Variants in ALMS1 observed in about 807,000 individuals in gnomAD.
The protein encoded by ALMS1 is centrosome-associated protein ALMS1.
A neutral mutation model predicts 352.2 loss-of-function variants in ALMS1; 271 were observed. The observed-to-expected ratio is 0.77, with a 90% CI of 0.70 to 0.85. ALMS1 has a LOEUF of 0.85. Among genes scored for constraint, ALMS1 ranks in the 40% least tolerant of loss-of-function variants. The probability of loss-of-function intolerance (pLI) is 0.00; values close to 1 mark genes in which losing one functional copy is unlikely to be tolerated. For missense variants in ALMS1, 5,445 were observed against 4,870.7 expected, an observed-to-expected ratio of 1.12 and a Z score of -3.51; for synonymous variants, 1,865 against 1,761.2, an observed-to-expected ratio of 1.06 and a Z score of -1.48.
At chr2:73,410,454 A>T (rs568273763) in intron 2 of ALMS1, among the ~76,000 whole-genome samples, 1 of 152,282 alleles carries the variant, frequency 6.6e-6, no homozygotes, top group South Asian at 2.1e-4. Flanking sequence ...CACCTCACAG[A>T]CGTATCCAAA....
chr2:73,419,194 GT>G lies in ALMS1; in HGVS notation c.525del (p.Phe175LeufsTer3). 1 of 1,614,020 alleles carries G rather than the reference GT, an allele frequency of 6.2e-7. No individual in the cohort carries two copies. The highest frequency in any genetic ancestry group is 1.1e-5 in the South Asian group (1 of 91,076). On this transcript the variant is annotated frameshift_variant, in exon 3 of 23. Coordinates refer to ENST00000613296, the MANE Select transcript of ALMS1 (RefSeq NM_001378454.1). LOFTEE classifies it high-confidence loss of function. ...AAACCTTGGATACATCCCAGACTAG[GT>G]TTAATGTGAGAACGGAAGATACTGA... Reference protein sequence around the residue: ...SQTLDTSQTRFNVRTEDTEVT... With the variant: ...SQTLDTSQTRXNVRTEDTEVT...
At chr2:73,423,799 A>G (rs575581547) in intron 4 of ALMS1, among the ~76,000 whole-genome samples, 9 of 151,210 alleles carry the variant, frequency 6.0e-5, no homozygotes, top group Middle Eastern at 3.2e-3. Context: ...TTTTCTTTAG[A>G]TGGAGTCTTG....
Position 73,453,028 on chromosome 2 carries a change from G to T in ALMS1, c.6501G>T (p.Lys2167Asn). ...GACATCTAACTGAAGATGCTCTAAAGATCTCAAGTGCTCTTGGGCAAGCTG... is the reference window on the plus strand; with the variant it reads ...GACATCTAACTGAAGATGCTCTAAATATCTCAAGTGCTCTTGGGCAAGCTG... ...PDRHLTEDAL[K>N]ISSALGQADQ... The change falls in exon 8 of 23, where the codon AAG becomes AAT. Residue 2167 changes from lysine to asparagine, a missense_variant. Coordinates refer to ENST00000613296, the MANE Select transcript of ALMS1 (RefSeq NM_001378454.1). 6.2e-7 allele frequency: 1 copy of T among 1,613,542 alleles called. No individual in the cohort carries two copies. Among genetic ancestry groups the T allele is most frequent in the Non-Finnish European group, 8.5e-7 (1 of 1,179,940 alleles).
rs768929630 is a variant in ALMS1 at position 73,449,959 on chromosome 2, C to T, written c.3432C>T (p.Tyr1144=). The T allele has an allele frequency of 3.1e-6, 5 of 1,613,854 alleles. No individual in the cohort carries two copies. The African/African-American group carries it at 4.0e-5, about 13-fold the overall frequency. The stretch of plus-strand genomic sequence containing the variant: ...CACCAACTGTAACCTCAACTTCCTA[C>T]TCACAACATAGAGAAAAGCCCAGCA... ...TGTPTVTSTS[Y]SQHREKPSIF... The change falls in exon 8 of 23, where the codon TAC becomes TAT. Residue 1144 remains tyrosine, a synonymous_variant. Coordinates refer to ENST00000613296, the MANE Select transcript of ALMS1 (RefSeq NM_001378454.1).
intron 15 of ALMS1, among the ~76,000 whole-genome samples, chr2:73,565,209 G>T (rs1353808263): frequency 6.6e-6 from 1 of 152,128 alleles, no homozygotes; most frequent in East Asian, 1.9e-4. Context: ...CAAAATGCCT[G>T]ATTCTCAGAC....
intron 11 of ALMS1, among the ~76,000 whole-genome samples, chr2:73,522,188 G>A (rs958247126): frequency 1.3e-5 from 2 of 152,090 alleles, no homozygotes; most frequent in African/African-American, 4.8e-5. Context: ...CAGGTCCATC[G>A]CCATGTGATA....
chr2:73,572,685 A>G lies in ALMS1; in HGVS notation c.10808A>G (p.Asn3603Ser), dbSNP rs762614943. 66 of 1,614,112 alleles carry G rather than the reference A, an allele frequency of 4.1e-5. 1 individual carries two copies. The South Asian group carries it at 7.1e-4, about 17-fold the overall frequency. The change falls in exon 16 of 23, where the codon AAC becomes AGC. Residue 3603 changes from asparagine (N) to serine (S), a missense_variant. Asn to Ser is a conservative substitution (Grantham distance 46). Transcript: ENST00000613296. ...QHTVSLNELW[N>S]KYRERQRQQR... ...ACTGTGAGTTTGAATGAACTGTGGA[A>G]CAAGTATCGGGAGCGACAGAGGCAA...
chr2:73,522,847 C>G (rs987139195), intron 11 of ALMS1, among the ~76,000 whole-genome samples: 71 of 152,266 alleles, frequency 4.7e-4, no homozygotes, highest in African/African-American at 1.5e-3. Flanking sequence ...ATTAATGCCT[C>G]TAGGTGTTAA....
intron 1 of ALMS1, among the ~76,000 whole-genome samples, chr2:73,390,286 T>G (rs1291360607): frequency 6.6e-6 from 1 of 152,214 alleles, no homozygotes; most frequent in African/African-American, 2.4e-5. Flanking sequence ...TGCTAGAAAT[T>G]TATGAACTAT....
chr2:73,581,925 G>A (rs1166457023), intron 16 of ALMS1, among the ~76,000 whole-genome samples: 5 of 152,006 alleles, frequency 3.3e-5, no homozygotes, highest in Non-Finnish European at 7.4e-5. Context: ...TTGTATTTTA[G>A]TAGAGACAGG....
intron 10 of ALMS1, among the ~76,000 whole-genome samples, chr2:73,514,372 A>G (rs1242335132): frequency 2.0e-5 from 3 of 151,318 alleles, no homozygotes; most frequent in Non-Finnish European, 2.9e-5. Context: ...CCTTGACTGT[A>G]TAGTTTACCT....
At chr2:73,395,072 A>ATTTTTTT (rs1558628491) in intron 1 of ALMS1, among the ~76,000 whole-genome samples, 3 of 107,614 alleles carry the variant, frequency 2.8e-5, no homozygotes, top group Admixed American at 9.3e-5. Flanking sequence ...ATATATATAT[A>ATTTTTTT]TATATATTTT....
rs367772965 is a variant in ALMS1, at chr2:73,451,384, A to G, written c.4857A>G (p.Ala1619=). 8.0e-5 allele frequency: 129 copies of G among 1,614,002 alleles called. No homozygotes were observed. Among genetic ancestry groups the G allele is most frequent in the Non-Finnish European group, 1.0e-4 (119 of 1,179,990 alleles). ...CAGCAGGACCTTTAGGTTCCAGTGC[A>G]CTTGGAGAGAAGCCCATTACTTTCT... ...DIPAGPLGSS[A]LGEKPITFYR... is the part of the protein sequence containing the mutation. The change falls in exon 8 of 23, where the codon GCA becomes GCG. Residue 1619 remains alanine (A), a synonymous_variant. Transcript: ENST00000613296.
intron 21 of ALMS1, among the ~76,000 whole-genome samples, chr2:73,606,543 T>G (rs2104211235): frequency 6.6e-6 from 1 of 152,400 alleles, no homozygotes; most frequent in East Asian, 1.9e-4. Flanking sequence ...TGAGTGGATT[T>G]AGTGCCCATC....
At chr2:73,462,972 C>G (rs568584259) in intron 9 of ALMS1, among the ~76,000 whole-genome samples, 4 of 152,188 alleles carry the variant, frequency 2.6e-5, no homozygotes, top group South Asian at 4.2e-4. Context: ...CCTTAGTGAC[C>G]TACAAAGAGA....
chr2:73,551,529 C>G (rs971755497), intron 13 of ALMS1, among the ~76,000 whole-genome samples: 1 of 150,062 alleles, frequency 6.7e-6, no homozygotes, highest in Non-Finnish European at 1.5e-5. Context: ...CTTCACCTCC[C>G]GGGTTCAAGC....
rs761004809 is a variant in ALMS1 at position 73,422,981 on chromosome 2, T to C, written c.764+7T>C. The C allele has an allele frequency of 3.1e-6, 5 of 1,588,534 alleles. No homozygotes were observed. In the South Asian group the frequency reaches 5.5e-5, roughly 18 times the overall value. On this transcript the variant is annotated splice_region_variant and intron_variant, in intron 4 of 22. Coordinates refer to ENST00000613296, the MANE Select transcript of ALMS1 (RefSeq NM_001378454.1). ...TAAGTTTTGCACCTCTGAGGTAGGA[T>C]GATTTATTTGCATGTAACCTTTCTC...
rs2104188850 is a variant in ALMS1, at chr2:73,599,442, T to C, written c.11589T>C (p.Ser3863=). ...HVISSDSISS[S]ASSFLSSNST... ...TTTCTTCTGACTCTATTTCCTCTTC[T>C]GCCAGTAGTTTCCTGAGCTCAAACT... Residue 3863 remains serine (S), a synonymous_variant, in exon 17 of 23, where the codon TCT becomes TCC. Coordinates refer to ENST00000613296, the MANE Select transcript of ALMS1 (RefSeq NM_001378454.1). 1 of 1,613,538 alleles carries C rather than the reference T, an allele frequency of 6.2e-7. No individual in the cohort carries two copies. The highest frequency in any genetic ancestry group is 8.5e-7 in the Non-Finnish European group (1 of 1,179,656).
intron 10 of ALMS1, among the ~76,000 whole-genome samples, chr2:73,518,736 G>A (rs1673611070): frequency 6.6e-6 from 1 of 152,024 alleles, no homozygotes; most frequent in South Asian, 2.1e-4. Flanking sequence ...TTTTTCATAT[G>A]CGTGGTGGCT....
Sources: allele counts gnomAD v4.1 joint callset (sites outside exome capture counted in the v4.1 genomes callset), GRCh38; gene constraint gnomAD v4.1.1; transcripts MANE v1.5; gene names NCBI Gene and HGNC (gene_info 2026-07-23, HGNC 2026-07-21).